HPCAL1: variants seen among roughly 807,000 people sequenced by gnomAD.
The protein encoded by HPCAL1 is hippocalcin-like protein 1.
A neutral mutation model predicts 17.1 loss-of-function variants in HPCAL1; 8 were observed. The observed-to-expected ratio is 0.47, with a 90% CI of 0.27 to 0.84. HPCAL1 has a LOEUF of 0.84. HPCAL1 is among the 40% of genes least tolerant of loss of function. HPCAL1 has a pLI of 0.13. For missense variants in HPCAL1, 165 were observed against 271.1 expected, an observed-to-expected ratio of 0.61 and a Z score of 2.75; for synonymous variants, 112 against 111.4, an observed-to-expected ratio of 1.01 and a Z score of -0.03.
At chr2:10,309,041 C>G (rs997399646) in intron 1 of HPCAL1, among the ~76,000 whole-genome samples, 4 of 147,718 alleles carry the variant, frequency 2.7e-5, no homozygotes, top group African/African-American at 9.9e-5. Flanking sequence ...TCTTAACAAA[C>G]TTTTTTTTTT....
intron 2 of HPCAL1, among the ~76,000 whole-genome samples, chr2:10,413,203 C>T (rs540708192): frequency 2.0e-5 from 3 of 152,302 alleles, no homozygotes; most frequent in South Asian, 4.1e-4. Context: ...TCCTGTGGAC[C>T]CCCAAAGCCT....
chr2:10,346,571 G>C (rs1460934161), intron 1 of HPCAL1, among the ~76,000 whole-genome samples: 1 of 152,164 alleles, frequency 6.6e-6, no homozygotes, highest in Non-Finnish European at 1.5e-5. Flanking sequence ...GGCTATAAAT[G>C]GTCCATTAAA....
intron 1 of HPCAL1, among the ~76,000 whole-genome samples, chr2:10,357,836 G>GAAA (rs112651247): frequency 1.4e-5 from 2 of 147,552 alleles, no homozygotes; most frequent in African/African-American, 2.5e-5. Context: ...CTTTAGGCAG[G>GAAA]AAAAAAAAAA....
At chr2:10,322,970 A>G (rs1230966128) in intron 1 of HPCAL1, among the ~76,000 whole-genome samples, 1 of 152,184 alleles carries the variant, frequency 6.6e-6, no homozygotes, top group African/African-American at 2.4e-5. Context: ...CTTGACAGAC[A>G]GACAGCAGGC....
chr2:10,362,672 G>A lies in HPCAL1; in HGVS notation c.-110-34163G>A, dbSNP rs140309145. On this transcript the variant is annotated intron_variant, in intron 1 of 4. Transcript: ENST00000307845. The surrounding 1 kb of genome is among the most constrained non-coding windows in gnomAD (Gnocchi z 5.0). ...ATCCCATTTCTGCTGCTTTGGGAGA[G>A]AAGGGAGGGTAGCCCTGAGGCCATC... Among the ~76,000 whole-genome samples, 519 of 152,330 alleles carry A rather than the reference G, an allele frequency of 3.4e-3. 2 individuals are homozygous for A. The highest frequency in any genetic ancestry group is 0.02 in the Middle Eastern group (6 of 294).
chr2:10,376,505 G>A (rs140193267), intron 1 of HPCAL1, among the ~76,000 whole-genome samples: 13,358 of 151,582 alleles, frequency 0.088, 700 homozygotes, highest in Middle Eastern at 0.16. Context: ...GCACAATCTC[G>A]GCTCACTGCA....
At chr2:10,401,039 G>A (rs1669574506) in intron 2 of HPCAL1, among the ~76,000 whole-genome samples, 1 of 152,190 alleles carries the variant, frequency 6.6e-6, no homozygotes, top group African/African-American at 2.4e-5. Context: ...GTGGAAGGAA[G>A]GGCGGCTGAC....
chr2:10,346,130 C>A (rs964535615), intron 1 of HPCAL1, among the ~76,000 whole-genome samples: 2 of 152,096 alleles, frequency 1.3e-5, no homozygotes, highest in Admixed American at 6.5e-5. Context: ...GGTCCTCAGA[C>A]CCCCCTTGGT....
chr2:10,395,469 T>G lies in HPCAL1; in HGVS notation c.-110-1366T>G. 6.6e-6 allele frequency among the ~76,000 whole-genome samples: 1 copy of G among 150,958 alleles called. No individual in the cohort carries two copies. Among genetic ancestry groups the G allele is most frequent in the Admixed American group, 6.6e-5 (1 of 15,170 alleles). On this transcript the variant is annotated intron_variant, in intron 1 of 4. Coordinates refer to ENST00000307845, the MANE Select transcript of HPCAL1 (RefSeq NM_002149.4). The surrounding 1 kb of genome is among the most constrained non-coding windows in gnomAD (Gnocchi z 4.4). ...TGGCGCTCACAGTCAGGGGGGTGGG[T>G]TGGTGGGTGGGTGGAAGGAGGGGAG...
Position 10,342,588 on chromosome 2 carries a change from T to G in HPCAL1, c.-111+39411T>G, listed in dbSNP as rs1343580469. Among the ~76,000 whole-genome samples, 1 of 152,144 alleles carries G rather than the reference T, an allele frequency of 6.6e-6. No homozygotes were observed. The highest frequency in any genetic ancestry group is 1.5e-5 in the Non-Finnish European group (1 of 68,018). Reference sequence around the variant, plus strand: ...CCAGACTTTTGGCAGGGGAGGAAATTGAGGTGAAAGCATTCCAGGCCTAGG... The same window carrying G: ...CCAGACTTTTGGCAGGGGAGGAAATGGAGGTGAAAGCATTCCAGGCCTAGG... On this transcript the variant is annotated intron_variant, in intron 1 of 4. Coordinates refer to ENST00000307845, the MANE Select transcript of HPCAL1 (RefSeq NM_002149.4). The surrounding 1 kb of genome is among the most constrained non-coding windows in gnomAD (Gnocchi z 4.1).
In HPCAL1 at chr2:10,335,260, C is replaced by CTGCCA. The variant is rs1664646787; in HGVS notation, c.-111+32084_-111+32088dup. ...ACATCAGGTTATAAAAAGACTGCAGCTGCCAGCTTGGGTGTTCTCTGTTGC... is the reference window on the plus strand; with the variant it reads ...ACATCAGGTTATAAAAAGACTGCAGCTGCCATGCCAGCTTGGGTGTTCTCTGTTGC... On this transcript the variant is annotated intron_variant, in intron 1 of 4. Transcript: ENST00000307845. Among the ~76,000 whole-genome samples, 4 of 152,244 alleles carry CTGCCA rather than the reference C, an allele frequency of 2.6e-5. No homozygotes were observed. In the South Asian group the frequency reaches 8.3e-4, roughly 32 times the overall value.
chr2:10,413,645 C>T (rs758139710), intron 2 of HPCAL1, among the ~76,000 whole-genome samples: 5 of 152,256 alleles, frequency 3.3e-5, no homozygotes, highest in Admixed American at 1.3e-4. Context: ...TACCTTCTAG[C>T]GGTGTGCTCA....
intron 1 of HPCAL1, among the ~76,000 whole-genome samples, chr2:10,369,990 A>G (rs1667110443): frequency 6.6e-6 from 1 of 152,192 alleles, no homozygotes; most frequent in African/African-American, 2.4e-5. Context: ...GCAGGCGCCT[A>G]CCTGGCCCAC....
chr2:10,405,796 C>T (rs1669932250), intron 2 of HPCAL1, among the ~76,000 whole-genome samples: 1 of 152,202 alleles, frequency 6.6e-6, no homozygotes, highest in African/African-American at 2.4e-5. Context: ...GCACGAGGGG[C>T]CACATCTAGA....
At chr2:10,373,728 G>A (rs1204153162) in intron 1 of HPCAL1, among the ~76,000 whole-genome samples, 1 of 151,918 alleles carries the variant, frequency 6.6e-6, no homozygotes, top group African/African-American at 2.4e-5. Flanking sequence ...GAACAGACAG[G>A]CCCCCCACAG....
chr2:10,419,794 C>A lies in HPCAL1; in HGVS notation c.37C>A (p.Leu13Met), dbSNP rs1379978350. 6.2e-7 allele frequency: 1 copy of A among 1,613,278 alleles called. No individual in the cohort carries two copies. The highest frequency in any genetic ancestry group is 8.5e-7 in the Non-Finnish European group (1 of 1,179,750). Residue 13 changes from leucine (L) to methionine (M), a missense_variant, in exon 3 of 5, where the codon CTG becomes ATG. Coordinates refer to ENST00000307845, the MANE Select transcript of HPCAL1 (RefSeq NM_002149.4). This position sits in a 1 kb window ranked among gnomAD's most constrained non-coding sequence, Gnocchi z 5.0. ...KQNSKLRPEV[L>M]QDLRENTEFT... ...GAACAGCAAGCTGCGGCCCGAGGTGCTGCAGGACCTGCGGGAGAACACGGA... is the reference window on the plus strand; with the variant it reads ...GAACAGCAAGCTGCGGCCCGAGGTGATGCAGGACCTGCGGGAGAACACGGA...
chr2:10,330,743 G>T lies in HPCAL1; in HGVS notation c.-111+27566G>T, dbSNP rs1013020731. Among the ~76,000 whole-genome samples, 1 of 152,196 alleles carries T rather than the reference G, an allele frequency of 6.6e-6. No homozygotes were observed. The highest frequency in any genetic ancestry group is 1.5e-5 in the Non-Finnish European group (1 of 68,024). On this transcript the variant is annotated intron_variant, in intron 1 of 4. Transcript: ENST00000307845. This position sits in a 1 kb window ranked among gnomAD's most constrained non-coding sequence, Gnocchi z 4.2. The stretch of plus-strand genomic sequence containing the variant: ...GTCACATCTGGAGGTAGTAAGGATT[G>T]GGGCTTCCACATAGGGGTTTTGTGG...
intron 1 of HPCAL1, among the ~76,000 whole-genome samples, chr2:10,320,678 T>TG (rs987172690): frequency 5.3e-5 from 8 of 152,238 alleles, no homozygotes; most frequent in African/African-American, 1.9e-4. Flanking sequence ...AGAGAATCCC[T>TG]GGGGAGGGAA....
Position 10,419,701 on chromosome 2 carries a change from G to A in HPCAL1, c.-24-33G>A, listed in dbSNP as rs887262916. The A allele has an allele frequency of 2.0e-5, 32 of 1,562,636 alleles. No homozygotes were observed. The highest frequency in any genetic ancestry group is 2.6e-5 in the Non-Finnish European group (30 of 1,155,332). ...GGCTCAGCCCTGCTCCGTGGCCGTG[G>A]GTGGCGTCCCCGGCTGACCCCCTGT... On this transcript the variant is annotated intron_variant, in intron 2 of 4. Coordinates refer to ENST00000307845, the MANE Select transcript of HPCAL1 (RefSeq NM_002149.4). This position sits in a 1 kb window ranked among gnomAD's most constrained non-coding sequence, Gnocchi z 5.0.
Sources: gnomAD v4.1 joint callset for allele counts (sites outside exome capture counted in the v4.1 genomes callset) on GRCh38, gnomAD v4.1.1 for gene constraint, Gnocchi (gnomAD v3.1) non-coding constraint, MANE v1.5 for transcripts, NCBI Gene and HGNC (gene_info 2026-07-23, HGNC 2026-07-21) for gene names.